CNTNAP1: variants seen among roughly 807,000 people sequenced by gnomAD.
The protein encoded by CNTNAP1 is contactin associated protein 1.
A neutral mutation model predicts 161.5 loss-of-function variants in CNTNAP1; 80 were observed. The observed-to-expected ratio is 0.50, with a 90% CI of 0.41 to 0.60. CNTNAP1 has a LOEUF of 0.60. Among genes scored for constraint, CNTNAP1 ranks in the 20% least tolerant of loss-of-function variants. The pLI, the probability that CNTNAP1 is intolerant of heterozygous loss-of-function variation, is 0.00. For synonymous variants in CNTNAP1, 695 were observed against 733.1 expected, an observed-to-expected ratio of 0.95 and a Z score of 0.84; for missense variants, 1,464 against 1,854.8, an observed-to-expected ratio of 0.79 and a Z score of 3.87.
rs71276881 is a variant in CNTNAP1, at chr17:42,698,445, ATGTGTGTG to A, written c.3863-144_3863-137del. ...ACATTATGCTTTTGGCCAAAAGTAAATGTGTGTGTGTGTGTGTGTGTGTGTGTGTGTGT... is the reference window on the plus strand; with the variant it reads ...ACATTATGCTTTTGGCCAAAAGTAAATGTGTGTGTGTGTGTGTGTGTGTGT... On this transcript the variant is annotated intron_variant, in intron 23 of 23. Coordinates refer to ENST00000264638, the MANE Select transcript of CNTNAP1 (RefSeq NM_003632.3). Among the ~76,000 whole-genome samples the A allele has an allele frequency of 9.9e-3, 1,380 of 139,576 alleles. 25 individuals are homozygous for A. The highest frequency in any genetic ancestry group is 0.035 in the African/African-American group (1,318 of 37,796). 91.6% of individuals were successfully genotyped at this position (139,576 alleles called of 152,430 possible).
chr17:42,692,017 C>G, intron 16 of CNTNAP1, 26 bp downstream of exon 16: 1 of 1,607,248 alleles, frequency 6.2e-7, no homozygotes, highest in Non-Finnish European at 8.5e-7. Context: ...GTGGGAGGGC[C>G]TCGGGGTAGA....
At position 42,682,785 on chromosome 17, in the gene CNTNAP1, C is replaced by G; in HGVS notation, c.-45C>G. The G allele has an allele frequency of 6.5e-7, 1 of 1,542,316 alleles. No homozygotes were observed. The highest frequency in any genetic ancestry group is 8.7e-7 in the Non-Finnish European group (1 of 1,144,770). On this transcript the variant is annotated 5_prime_UTR_variant, in exon 1 of 24. Transcript: ENST00000264638. ...CCCAAGCCAGAACTCGAGCCCTAGC[C>G]GGAGCCGTTCACAGGGAGGCGGCTG...
At chr17:42,696,274 CGT>C (rs1465436437) in intron 20 of CNTNAP1, 122 bp downstream of exon 20, 1 of 1,252,942 alleles carries the variant, frequency 8.0e-7, no homozygotes, top group Non-Finnish European at 1.1e-6. Flanking sequence ...AGGATTTTCA[CGT>C]GTGTCACCTC....
intron 21 of CNTNAP1, 31 bp from the exon 22 acceptor site, chr17:42,697,523 G>A (rs752658503): frequency 6.2e-7 from 1 of 1,612,850 alleles, no homozygotes; most frequent in Non-Finnish European, 8.5e-7. Flanking sequence ...TTGGGTCCAA[G>A]TCCCTCTTTC....
chr17:42,683,006 G>A, intron 1 of CNTNAP1, 110 bp downstream of exon 1: 1 of 1,043,046 alleles, frequency 9.6e-7, no homozygotes. Context: ...CCCGGCCGGC[G>A]CGCGCCCGCT....
At chr17:42,683,986 A>T (rs373758374) in intron 2 of CNTNAP1, 50 bp from the exon 3 acceptor site, 2 of 1,613,040 alleles carry the variant, frequency 1.2e-6, no homozygotes, top group African/African-American at 2.7e-5. Context: ...GGGCCTCCGG[A>T]GGACTTCGGG....
At position 42,685,921 on chromosome 17, in the gene CNTNAP1, G is replaced by T; in HGVS notation, c.716-36G>T. The T allele has an allele frequency of 1.9e-6, 3 of 1,607,054 alleles. No individual in the cohort carries two copies. The highest frequency in any genetic ancestry group is 2.6e-6 in the Non-Finnish European group (3 of 1,174,572). On this transcript the variant is annotated intron_variant, in intron 5 of 23. Coordinates refer to ENST00000264638, the MANE Select transcript of CNTNAP1 (RefSeq NM_003632.3). This position sits in a 1 kb window ranked among gnomAD's most constrained non-coding sequence, Gnocchi z 5.0. Reference sequence around the variant, plus strand: ...AGCTTGGACTCCATGGAGTTCTCCTGGCTTGAGGTTTCACTCTGTCCTGCC... The same window carrying T: ...AGCTTGGACTCCATGGAGTTCTCCTTGCTTGAGGTTTCACTCTGTCCTGCC...
chr17:42,693,608 A>G, intron 18 of CNTNAP1, 72 bp downstream of exon 18: 1 of 1,568,204 alleles, frequency 6.4e-7, no homozygotes, highest in Non-Finnish European at 8.7e-7. Context: ...CAGGGAAGGA[A>G]ATAGCATGTA....
At chr17:42,686,303 C>G (rs1474832561) in intron 6 of CNTNAP1, among the ~76,000 whole-genome samples, 162 bp downstream of exon 6, 2 of 151,934 alleles carry the variant, frequency 1.3e-5, no homozygotes, top group Non-Finnish European at 2.9e-5. Context: ...CTTTGGGAGG[C>G]TGAGGTGGGA....
chr17:42,683,744 C>G (rs2052968080), intron 1 of CNTNAP1, 77 bp from the exon 2 acceptor site: 1 of 1,521,578 alleles, frequency 6.6e-7, no homozygotes, highest in South Asian at 1.2e-5. Context: ...GGGGAAGCTT[C>G]GGTCGCTAAG....
At chr17:42,686,758 C>A in intron 6 of CNTNAP1, 145 bp from the exon 7 acceptor site, 2 of 977,120 alleles carry the variant, frequency 2.0e-6, no homozygotes, top group Non-Finnish European at 1.5e-6. Context: ...GCCTAGCGAG[C>A]TTTAGTACCG....
At position 42,689,591 on chromosome 17, in the gene CNTNAP1, G is replaced by A. The variant is rs779992820; in HGVS notation, c.1699G>A (p.Glu567Lys). 80 of 1,613,822 alleles carry A rather than the reference G, an allele frequency of 5.0e-5. No individual in the cohort carries two copies. The highest frequency in any genetic ancestry group is 5.9e-5 in the Non-Finnish European group (70 of 1,179,938). ...TTGGGATGACTTCATTTGCTACTGCGAACTGACGGGCTACAAGGGAGAGAC... is the reference window on the plus strand; with the variant it reads ...TTGGGATGACTTCATTTGCTACTGCAAACTGACGGGCTACAAGGGAGAGAC... Reference protein sequence around the residue: ...QSWDDFICYCELTGYKGETCH... With the variant: ...QSWDDFICYCKLTGYKGETCH... Residue 567 changes from glutamate (E) to lysine (K), a missense_variant, in exon 11 of 24, where the codon GAA (glutamate) becomes AAA (lysine). Physicochemically the swap from Glu to Lys is moderately conservative, Grantham distance 56. This residue lies in a region of CNTNAP1 where 1,383 missense variants were observed against 1,765.0 expected (regional missense o/e 0.78). Transcript: ENST00000264638.
At position 42,697,303 on chromosome 17, in the gene CNTNAP1, G is replaced by A. The variant is rs1452921130; in HGVS notation, c.3504G>A (p.Lys1168=). ...QVDYFPLTEQ[K]FSLLVDSQLD... ...ACTACTTCCCACTGACAGAGCAGAA[G>A]TTCTCGCTGTTGGTGGACAGCCAGT... Residue 1168 remains lysine (K), a synonymous_variant, in exon 21 of 24, where the codon AAG becomes AAA. Transcript: ENST00000264638. The A allele has an allele frequency of 6.2e-7, 1 of 1,613,898 alleles. No homozygotes were observed. Among genetic ancestry groups the A allele is most frequent in the South Asian group, 1.1e-5 (1 of 91,074 alleles).
rs1479761540 is a variant in CNTNAP1 at position 42,688,511 on chromosome 17, G to T, written c.1356G>T (p.Gln452His). 1 of 1,614,220 alleles carries T rather than the reference G, an allele frequency of 6.2e-7. No homozygotes were observed. The highest frequency in any genetic ancestry group is 1.7e-5 in the Admixed American group (1 of 60,022). Residue 452 changes from glutamine (Q) to histidine (H), a missense_variant, in exon 9 of 24, where the codon CAG becomes CAT. By Grantham distance (24) the Gln-to-His change is conservative. Coordinates refer to ENST00000264638, the MANE Select transcript of CNTNAP1 (RefSeq NM_003632.3). ...GFWHEVNFVA[Q>H]ENHAVISIDD... The stretch of plus-strand genomic sequence containing the variant: ...GGCACGAGGTGAATTTTGTGGCACA[G>T]GAAAACCATGCAGTTATCAGCATTG...
At chr17:42,692,149 C>A (rs1042818107) in intron 16 of CNTNAP1, among the ~76,000 whole-genome samples, 158 bp downstream of exon 16, 2 of 152,198 alleles carry the variant, frequency 1.3e-5, no homozygotes, top group East Asian at 3.8e-4. Flanking sequence ...TCGGTCTTGA[C>A]GGCTGGCTGG....
chr17:42,684,848 C>G, intron 3 of CNTNAP1, 143 bp from the exon 4 acceptor site: 1 of 903,786 alleles, frequency 1.1e-6, no homozygotes, highest in South Asian at 1.8e-5. Context: ...TTGTTTGAAC[C>G]CGGGAGGCAG....
At position 42,697,665 on chromosome 17, in the gene CNTNAP1, C is replaced by A. The variant is rs762486604; in HGVS notation, c.3680C>A (p.Thr1227Asn). ...GCTCCCCTCAAGACCCACTTCCGAA[C>A]CCCTCGACCCATGACTGCTGAGCTA... The part of the protein sequence containing the change: ...NVAPLKTHFR[T>N]PRPMTAELAE... The change falls in exon 22 of 24, where the codon ACC becomes AAC. Residue 1227 changes from threonine (T) to asparagine (N), a missense_variant. This residue lies in a region of CNTNAP1 where 1,383 missense variants were observed against 1,765.0 expected (regional missense o/e 0.78). Transcript: ENST00000264638. 2.5e-6 allele frequency: 4 copies of A among 1,614,188 alleles called. No homozygotes were observed. Among genetic ancestry groups the A allele is most frequent in the Non-Finnish European group, 3.4e-6 (4 of 1,180,036 alleles).
At position 42,688,243 on chromosome 17, in the gene CNTNAP1, T is replaced by C. The variant is rs148121404; in HGVS notation, c.1307-219T>C. 6.6e-3 allele frequency among the ~76,000 whole-genome samples: 1,005 copies of C among 152,300 alleles called. 3 individuals are homozygous for C. Among genetic ancestry groups the C allele is most frequent in the Non-Finnish European group, 9.8e-3 (668 of 68,020 alleles). ...CAGTTCCAGAAGGCCCCTGGAGATTTGGTTACTCGTTTATAACTGTGCAGA... is the reference window on the plus strand; with the variant it reads ...CAGTTCCAGAAGGCCCCTGGAGATTCGGTTACTCGTTTATAACTGTGCAGA... On this transcript the variant is annotated intron_variant, in intron 8 of 23. Transcript: ENST00000264638.
At chr17:42,684,321 G>A in intron 3 of CNTNAP1, 92 bp downstream of exon 3, 1 of 1,259,934 alleles carries the variant, frequency 7.9e-7, no homozygotes. Context: ...TGGAGGGGGT[G>A]GTGGTGAGGG....
Sources: gnomAD v4.1 joint callset for allele counts (sites outside exome capture counted in the v4.1 genomes callset) on GRCh38, gnomAD v4.1.1 for gene constraint, gnomAD v4.1.1 regional missense constraint, Gnocchi (gnomAD v3.1) non-coding constraint, MANE v1.5 for transcripts, NCBI Gene and HGNC (gene_info 2026-07-23, HGNC 2026-07-21) for gene names.